GALNTL6: variants seen among roughly 807,000 people sequenced by gnomAD.
GALNTL6 encodes the protein polypeptide N-acetylgalactosaminyltransferase-like 6.
In GALNTL6, 46 loss-of-function variants were observed where a neutral mutation model predicts 73.7. The ratio of observed to expected loss-of-function variants is 0.62; its 90% CI spans 0.49 to 0.80. The LOEUF (loss-of-function observed/expected upper bound fraction) is 0.80. Among genes scored for constraint, GALNTL6 ranks in the 30% least tolerant of loss-of-function variants. The pLI, the probability that GALNTL6 is intolerant of heterozygous loss-of-function variation, is 0.00. For synonymous variants in GALNTL6, 259 were observed against 263.7 expected, an observed-to-expected ratio of 0.98 and a Z score of 0.17; for missense variants, 604 against 755.0, an observed-to-expected ratio of 0.80 and a Z score of 2.34.
At chr4:172,488,053 C>G (rs1175675821) in intron 5 of GALNTL6, among the ~76,000 whole-genome samples, 4 of 152,224 alleles carry the variant, frequency 2.6e-5, no homozygotes, top group Admixed American at 6.5e-5. Context: ...CTCAAGTTGT[C>G]ATGAAAATTC....
chr4:172,533,311 C>T, intron 5 of GALNTL6, among the ~76,000 whole-genome samples: 1 of 127,792 alleles, frequency 7.8e-6, no homozygotes. Context: ...CCGTGCCCGG[C>T]CAGAATTTTT....
intron 2 of GALNTL6, among the ~76,000 whole-genome samples, chr4:171,971,490 A>G (rs1003427783): frequency 4.6e-5 from 7 of 152,296 alleles, no homozygotes; most frequent in South Asian, 4.1e-4. Context: ...GCATTTTCTG[A>G]TAGTAAATAA....
intron 2 of GALNTL6, among the ~76,000 whole-genome samples, chr4:171,873,691 C>T (rs1041221588): frequency 1.4e-4 from 21 of 151,994 alleles, no homozygotes; most frequent in African/African-American, 5.1e-4. Context: ...ATCTCAATTA[C>T]CTATAAAAAA....
At chr4:172,630,329 A>G (rs1313625532) in intron 5 of GALNTL6, among the ~76,000 whole-genome samples, 1 of 152,214 alleles carries the variant, frequency 6.6e-6, no homozygotes, top group African/African-American at 2.4e-5. Flanking sequence ...TTGGAAATCT[A>G]AAATTCAAAA....
chr4:172,019,409 T>C (rs1741327975), intron 2 of GALNTL6, among the ~76,000 whole-genome samples: 1 of 152,022 alleles, frequency 6.6e-6, no homozygotes, highest in African/African-American at 2.4e-5. Context: ...CAATAATCTG[T>C]TGCCTATGAG....
chr4:172,952,017 T>C lies in GALNTL6; in HGVS notation c.1150-20T>C. ...AATGAATAAACCAATAAATGACATT[T>C]TTGTTTTCCTGCTGCACAGAACCTG... is the stretch of plus-strand genomic sequence containing the variant. On this transcript the variant is annotated intron_variant, in intron 9 of 12. Coordinates refer to ENST00000506823, the MANE Select transcript of GALNTL6 (RefSeq NM_001034845.3). The C allele has an allele frequency of 7.0e-7, 1 of 1,428,398 alleles. No homozygotes were observed. Among genetic ancestry groups the C allele is most frequent in the Non-Finnish European group, 9.2e-7 (1 of 1,091,738 alleles). 88.5% of individuals were successfully genotyped at this position (1,428,398 alleles called of 1,614,324 possible). A position where few individuals can be genotyped will look rare whatever the true frequency, so the allele number is the denominator to read the frequency against.
chr4:172,992,469 T>A (rs1427547248), intron 10 of GALNTL6, among the ~76,000 whole-genome samples: 1 of 152,224 alleles, frequency 6.6e-6, no homozygotes, highest in Non-Finnish European at 1.5e-5. Context: ...TCCTGTGAAC[T>A]AAAAGGCATT....
chr4:172,539,626 C>A (rs1735475786), intron 5 of GALNTL6, among the ~76,000 whole-genome samples: 1 of 151,980 alleles, frequency 6.6e-6, no homozygotes, highest in African/African-American at 2.4e-5. Context: ...AATTGCATAA[C>A]CTTTCTTAAA....
rs1472860492 is a variant in GALNTL6, at chr4:172,541,500, G to A, written c.553+192811G>A. On this transcript the variant is annotated intron_variant, in intron 5 of 12. Coordinates refer to ENST00000506823, the MANE Select transcript of GALNTL6 (RefSeq NM_001034845.3). ...GGCATAAGACAGAGTGAGAGATCAC[G>A]GCAAGTTTTAAAGCAGGAGTGAAAG... is the stretch of plus-strand genomic sequence containing the variant. Among the ~76,000 whole-genome samples the A allele has an allele frequency of 3.9e-5, 6 of 152,144 alleles. No homozygotes were observed. In the East Asian group the frequency reaches 5.8e-4, roughly 15 times the overall value.
chr4:172,349,341 A>G (rs969733882), intron 5 of GALNTL6, among the ~76,000 whole-genome samples: 2 of 151,930 alleles, frequency 1.3e-5, no homozygotes, highest in Non-Finnish European at 2.9e-5. Context: ...GCATTTTATA[A>G]TTTACCTTAT....
intron 5 of GALNTL6, among the ~76,000 whole-genome samples, chr4:172,784,208 C>T (rs907698015): frequency 1.3e-5 from 2 of 151,970 alleles, no homozygotes; most frequent in African/African-American, 4.8e-5. Context: ...ACCTCATCAG[C>T]AGTCTAGATT....
intron 10 of GALNTL6, among the ~76,000 whole-genome samples, chr4:172,998,211 C>G (rs1044641067): frequency 6.6e-6 from 1 of 152,152 alleles, no homozygotes; most frequent in African/African-American, 2.4e-5. Flanking sequence ...TTGGATGTGA[C>G]TAGCATGGAG....
intron 5 of GALNTL6, among the ~76,000 whole-genome samples, chr4:172,749,115 G>A (rs1316635440): frequency 6.6e-6 from 1 of 151,434 alleles, no homozygotes; most frequent in East Asian, 1.9e-4. Context: ...TAGAGAAGAA[G>A]TTTCACCATG....
At chr4:172,561,042 A>G (rs113199253) in intron 5 of GALNTL6, among the ~76,000 whole-genome samples, 2,324 of 151,846 alleles carry the variant, frequency 0.015, 35 homozygotes, top group Middle Eastern at 0.024. Context: ...TCATGAGGTC[A>G]GGAGATCGAG....
intron 5 of GALNTL6, among the ~76,000 whole-genome samples, chr4:172,512,514 T>A (rs1435967308): frequency 1.3e-5 from 2 of 152,084 alleles, no homozygotes; most frequent in African/African-American, 4.8e-5. Context: ...TTTTTTTCCA[T>A]TGTGTTATTA....
intron 3 of GALNTL6, among the ~76,000 whole-genome samples, chr4:172,263,646 T>C (rs1360464728): frequency 1.3e-5 from 2 of 151,642 alleles, no homozygotes; most frequent in African/African-American, 2.4e-5. Context: ...GTTCTATTTT[T>C]CCCCAATATT....
At chr4:172,456,965 AC>A (rs1245025071) in intron 5 of GALNTL6, among the ~76,000 whole-genome samples, 2 of 152,314 alleles carry the variant, frequency 1.3e-5, no homozygotes, top group Non-Finnish European at 2.9e-5. Context: ...AGGTCAGGTT[AC>A]CCACAAAGGG....
At chr4:172,329,943 C>G (rs1741070176) in intron 4 of GALNTL6, among the ~76,000 whole-genome samples, 1 of 152,144 alleles carries the variant, frequency 6.6e-6, no homozygotes, top group Admixed American at 6.5e-5. Flanking sequence ...AGGGCAACAA[C>G]AGCTAAGGCT....
At chr4:172,362,509 C>G (rs1437287221) in intron 5 of GALNTL6, among the ~76,000 whole-genome samples, 2 of 152,004 alleles carry the variant, frequency 1.3e-5, no homozygotes, top group African/African-American at 4.8e-5. Flanking sequence ...CCTTGGGCTT[C>G]TCTTCTGCTA....
Sources: gnomAD v4.1 joint callset for allele counts (sites outside exome capture counted in the v4.1 genomes callset) on GRCh38, gnomAD v4.1.1 for gene constraint, MANE v1.5 for transcripts, NCBI Gene and HGNC (gene_info 2026-07-23, HGNC 2026-07-21) for gene names.